NOL11: variants seen among roughly 807,000 people sequenced by gnomAD.
NOL11 encodes nucleolar protein 11.
A neutral mutation model predicts 93.0 loss-of-function variants in NOL11; 42 were observed. That is an observed-to-expected ratio of 0.45 (90% CI 0.35 to 0.58). The LOEUF is 0.58. NOL11 is among the 20% of genes least tolerant of loss of function. NOL11 has a pLI of 0.00. For synonymous variants in NOL11, 296 were observed against 293.7 expected, an observed-to-expected ratio of 1.01 and a Z score of -0.08; for missense variants, 775 against 841.8, an observed-to-expected ratio of 0.92 and a Z score of 0.98.
At chr17:67,720,041 T>C in intron 3 of NOL11, 79 bp downstream of exon 3, 3 of 1,301,788 alleles carry the variant, frequency 2.3e-6, no homozygotes, top group Non-Finnish European at 2.1e-6. Context: ...ATGTGTTATT[T>C]ATTTTAATAC....
At chr17:67,724,628 G>A (rs552834786) in intron 6 of NOL11, among the ~76,000 whole-genome samples, 11 of 152,238 alleles carry the variant, frequency 7.2e-5, no homozygotes, top group South Asian at 2.1e-4. Context: ...CACCTCGTGC[G>A]GCCCATGCCT....
Position 67,721,494 on chromosome 17 carries a change from T to G in NOL11, c.429T>G (p.Ile143Met), listed in dbSNP as rs897855395. The change falls in exon 4 of 18, where the codon ATT becomes ATG. Residue 143 changes from isoleucine (I) to methionine (M), a missense_variant. Physicochemically the swap from Ile to Met is conservative, Grantham distance 10. Transcript: ENST00000253247. ...TGCTTGCAGACCCCCAGCAGAAAATTGAAACTGTTATCTCTGATGAAGAAG... is the reference window on the plus strand; with the variant it reads ...TGCTTGCAGACCCCCAGCAGAAAATGGAAACTGTTATCTCTGATGAAGAAG... The part of the protein sequence containing the change: ...EALLADPQQK[I>M]ETVISDEEVI... 6 of 1,613,802 alleles carry G rather than the reference T, an allele frequency of 3.7e-6. No individual in the cohort carries two copies. The African/African-American group carries it at 8.0e-5, about 22-fold the overall frequency.
chr17:67,719,814 T>C, intron 2 of NOL11, 27 bp downstream of exon 2: 4 of 1,482,278 alleles, frequency 2.7e-6, no homozygotes, highest in Admixed American at 1.8e-5. Flanking sequence ...TTGTATAATA[T>C]ATACAATATA....
intron 1 of NOL11, 132 bp downstream of exon 1, chr17:67,718,220 G>T: frequency 1.6e-6 from 2 of 1,243,624 alleles, no homozygotes; most frequent in East Asian, 4.9e-5. Context: ...GGCTGGGCCT[G>T]TTGGGGACGC....
intron 3 of NOL11, chr17:67,720,265 T>G (rs570265988): frequency 5.0e-6 from 1 of 201,328 alleles, no homozygotes; most frequent in South Asian, 1.3e-4. Context: ...ATAGGTAGAA[T>G]AGACCCTGCA....
rs200954752 is a variant in NOL11 at position 67,727,844 on chromosome 17, C to A, written c.853+1196C>A. On this transcript the variant is annotated intron_variant, in intron 7 of 17. Coordinates refer to ENST00000253247, the MANE Select transcript of NOL11 (RefSeq NM_015462.5). ...CACCTGGGCTTTTTGGCGCACAAACCCAGAAGGTGGAGGTTGCAGTGAGCC... is the reference window on the plus strand; with the variant it reads ...CACCTGGGCTTTTTGGCGCACAAACACAGAAGGTGGAGGTTGCAGTGAGCC... 8.7e-5 allele frequency among the ~76,000 whole-genome samples: 13 copies of A among 149,220 alleles called. No individual in the cohort carries two copies. In the East Asian group the frequency reaches 1.8e-3, roughly 20 times the overall value.
chr17:67,733,258 G>A (rs1030838784), intron 7 of NOL11, among the ~76,000 whole-genome samples: 7 of 152,020 alleles, frequency 4.6e-5, no homozygotes, highest in African/African-American at 1.7e-4. Flanking sequence ...CCAGCTACTC[G>A]GGAGGCTGAG....
chr17:67,724,502 T>A (rs2055069170), intron 6 of NOL11, among the ~76,000 whole-genome samples: 1 of 151,986 alleles, frequency 6.6e-6, no homozygotes, highest in Non-Finnish European at 1.5e-5. Flanking sequence ...TCTGGCTCAT[T>A]TTTGTATTTT....
rs757718032 is a variant in NOL11, at chr17:67,737,874, C to T, written c.1431C>T (p.Ala477=). 2 of 1,612,604 alleles carry T rather than the reference C, an allele frequency of 1.2e-6. No homozygotes were observed. The highest frequency in any genetic ancestry group is 1.7e-6 in the Non-Finnish European group (2 of 1,179,692). Reference sequence around the variant, plus strand: ...TGTGCCCCGACTTAATGGAGATTGCCTTAAAAAAGAAAGATGTACAGTTGT... The same window carrying T: ...TGTGCCCCGACTTAATGGAGATTGCTTTAAAAAAGAAAGATGTACAGTTGT... The part of the protein sequence containing the change: ...YSLCPDLMEI[A]LKKKDVQLLQ... The change falls in exon 13 of 18, where the codon GCC becomes GCT. Residue 477 remains alanine, a synonymous_variant. Transcript: ENST00000253247.
Position 67,736,744 on chromosome 17 carries a change from C to G in NOL11, c.1133C>G (p.Ser378Ter). Residue 378 changes from serine to a stop codon, truncating the protein, a stop_gained, in exon 10 of 18, where the codon TCA (serine) becomes TGA (stop). Transcript: ENST00000253247. LOFTEE classifies it high-confidence loss of function. ...CTTGGGTTCCAGAACTCAGAGCAGT[C>G]AAGAAGAATTGTAAGTTTCGTAGTT... ...CGLGFQNSEQ[S>*]RRILRRRKIE... is the part of the protein sequence containing the mutation. The G allele has an allele frequency of 6.2e-7, 1 of 1,609,552 alleles. No homozygotes were observed.
At chr17:67,720,258 G>A in intron 3 of NOL11, 1 of 211,838 alleles carries the variant, frequency 4.7e-6, no homozygotes, top group Non-Finnish European at 9.3e-6. Context: ...TCTTAGAATA[G>A]GTAGAATAGA....
chr17:67,739,420 A>G, intron 15 of NOL11, 96 bp from the exon 16 acceptor site: 1 of 700,596 alleles, frequency 1.4e-6, no homozygotes, highest in Non-Finnish European at 2.4e-6. Context: ...TGTTTGATGT[A>G]TAAATTGAAC....
chr17:67,730,293 C>T (rs1010068949), intron 7 of NOL11, among the ~76,000 whole-genome samples: 1 of 152,096 alleles, frequency 6.6e-6, no homozygotes, highest in Admixed American at 6.6e-5. Flanking sequence ...GAGTCTCGCT[C>T]TGTCGCCCAG....
At chr17:67,738,535 GT>G in intron 14 of NOL11, 180 bp downstream of exon 14, 1 of 565,532 alleles carries the variant, frequency 1.8e-6, no homozygotes, top group Non-Finnish European at 3.1e-6. Flanking sequence ...ACTTAAACCT[GT>G]TTAATTTAAC....
At chr17:67,735,740 G>A (rs533905366) in intron 8 of NOL11, among the ~76,000 whole-genome samples, 160 bp from the exon 9 acceptor site, 13 of 152,200 alleles carry the variant, frequency 8.5e-5, no homozygotes, top group African/African-American at 3.1e-4. Flanking sequence ...AAAAATAAGA[G>A]CCTATTTAAT....
chr17:67,738,442 T>G, intron 14 of NOL11, 87 bp downstream of exon 14: 1 of 829,150 alleles, frequency 1.2e-6, no homozygotes, highest in Non-Finnish European at 1.9e-6. Flanking sequence ...ACTCAATAAT[T>G]TAAGGTTTTT....
intron 7 of NOL11, among the ~76,000 whole-genome samples, chr17:67,729,943 AT>A (rs1257900957): frequency 2.0e-5 from 3 of 151,032 alleles, no homozygotes; most frequent in Admixed American, 2.0e-4. Context: ...TTGTTTTTAT[AT>A]TTAGTTTTTA....
chr17:67,721,589 T>G, intron 4 of NOL11, 63 bp downstream of exon 4: 1 of 1,402,038 alleles, frequency 7.1e-7, no homozygotes, highest in Non-Finnish European at 1.0e-6. Flanking sequence ...TTTTTTTGCC[T>G]TGTTCAAAAG....
chr17:67,722,649 C>A lies in NOL11; in HGVS notation c.519+12C>A. On this transcript the variant is annotated intron_variant, in intron 5 of 17. Transcript: ENST00000253247. ...TTATTACTGAAAAAGTAAGTGATATCTTCAATTCCTGGCCCATTTTGTGAA... is the reference window on the plus strand; with the variant it reads ...TTATTACTGAAAAAGTAAGTGATATATTCAATTCCTGGCCCATTTTGTGAA... The A allele has an allele frequency of 6.4e-7, 1 of 1,556,916 alleles. No homozygotes were observed. Among genetic ancestry groups the A allele is most frequent in the Non-Finnish European group, 8.6e-7 (1 of 1,162,734 alleles).
Sources: allele counts gnomAD v4.1 joint callset (sites outside exome capture counted in the v4.1 genomes callset), GRCh38; gene constraint gnomAD v4.1.1; transcripts MANE v1.5; gene names NCBI Gene and HGNC (gene_info 2026-07-23, HGNC 2026-07-21).